The following ADAMTS13 variants were observed in gnomAD, a reference collection of about 807,000 sequenced individuals.
ADAMTS13 encodes the protein ADAM metallopeptidase with thrombospondin type 1 motif 13.
Under a neutral mutation model 155.1 loss-of-function variants are expected in ADAMTS13, and 110 were observed. The observed-to-expected ratio is 0.71, with a 90% CI of 0.61 to 0.83. The LOEUF (loss-of-function observed/expected upper bound fraction) is 0.83, where lower values mean the gene tolerates loss of function less well. Among genes scored for constraint, ADAMTS13 ranks in the 40% least tolerant of loss-of-function variants. The pLI is 0.00. For synonymous variants in ADAMTS13, 758 were observed against 756.4 expected (o/e 1.00, Z -0.03); for missense variants, 1,707 against 1,891.7 (o/e 0.90, Z 1.81).
intron 24 of ADAMTS13, 92 bp from the exon 25 acceptor site, chr9:133,455,193 A>T: frequency 7.2e-7 from 1 of 1,388,978 alleles, no homozygotes; most frequent in Non-Finnish European, 1.0e-6. Context: ...TTGTACAAGG[A>T]TTATATTGGA....
chr9:133,451,886 C>T (rs989403026), intron 23 of ADAMTS13, among the ~76,000 whole-genome samples: 1 of 121,520 alleles, frequency 8.2e-6, no homozygotes, highest in African/African-American at 3.1e-5. Context: ...CAGCATGAGA[C>T]CCTGTCTCAA....
At position 133,436,960 on chromosome 9, in the gene ADAMTS13, G is replaced by A. The variant is rs1396236100; in HGVS notation, c.1435+5G>A. On this transcript the variant is annotated splice_donor_5th_base_variant and intron_variant, in intron 12 of 28. Transcript: ENST00000355699. ...CTGCTGTACCACACAGCCAAGGTGG[G>A]GCCTGCGGAGTGTGGGGTTGGGGGA... The A allele has an allele frequency of 1.3e-6, 2 of 1,596,194 alleles. No homozygotes were observed. The highest frequency in any genetic ancestry group is 8.5e-7 in the Non-Finnish European group (1 of 1,173,088).
intron 6 of ADAMTS13, among the ~76,000 whole-genome samples, chr9:133,427,742 A>T (rs1360410786): frequency 6.6e-5 from 10 of 152,220 alleles, no homozygotes; most frequent in Non-Finnish European, 1.3e-4. Context: ...CCCCTTTTGA[A>T]GCCAGGCTAC....
intron 18 of ADAMTS13, among the ~76,000 whole-genome samples, 184 bp from the exon 19 acceptor site, chr9:133,443,192 G>A (rs1375849885): frequency 6.6e-6 from 1 of 152,212 alleles, no homozygotes; most frequent in East Asian, 1.9e-4. Flanking sequence ...CTGCTCACCA[G>A]CCTGTGATTC....
At chr9:133,442,770 C>A (rs782321193) in intron 18 of ADAMTS13, 27 bp downstream of exon 18, 1 of 1,607,732 alleles carries the variant, frequency 6.2e-7, no homozygotes, top group Non-Finnish European at 8.5e-7. Context: ...CTGCGCAGCT[C>A]CAAGGGGGAG....
intron 2 of ADAMTS13, among the ~76,000 whole-genome samples, chr9:133,423,932 C>T (rs2130775871): frequency 1.3e-5 from 2 of 152,368 alleles, no homozygotes; most frequent in Admixed American, 1.3e-4. Flanking sequence ...TGAGGGCTGG[C>T]CTGGGCCCCT....
At chr9:133,454,367 T>G in intron 23 of ADAMTS13, 48 bp from the exon 24 acceptor site, 1 of 1,604,690 alleles carries the variant, frequency 6.2e-7, no homozygotes, top group Non-Finnish European at 8.5e-7. Context: ...GGGGCAGTAC[T>G]GTCTCTGGGG....
At chr9:133,416,525 C>T (rs1388539785) in intron 1 of ADAMTS13, among the ~76,000 whole-genome samples, 2 of 152,118 alleles carry the variant, frequency 1.3e-5, no homozygotes, top group Non-Finnish European at 2.9e-5. Context: ...GCAGGAGAAT[C>T]ACTGGAGCCC....
intron 21 of ADAMTS13, among the ~76,000 whole-genome samples, chr9:133,447,787 T>C (rs1842168496): frequency 6.6e-6 from 1 of 150,774 alleles, no homozygotes; most frequent in Non-Finnish European, 1.5e-5. Context: ...AGAGAGGGGG[T>C]TTCGCCATGA....
intron 1 of ADAMTS13, among the ~76,000 whole-genome samples, chr9:133,416,490 C>T (rs1270708208): frequency 5.3e-5 from 8 of 152,028 alleles, no homozygotes; most frequent in Admixed American, 3.9e-4. Flanking sequence ...TGGGATTACA[C>T]GTGTGGGCTA....
chr9:133,430,061 G>T lies in ADAMTS13; in HGVS notation c.947G>T (p.Gly316Val). Reference sequence around the variant, plus strand: ...AACGAGCAGTGCCGCGTGGCCTTCGGCCCCAAGGCTGTCGCCTGCACCTTC... The same window carrying T: ...AACGAGCAGTGCCGCGTGGCCTTCGTCCCCAAGGCTGTCGCCTGCACCTTC... ...SANEQCRVAF[G>V]PKAVACTFAR... The change falls in exon 8 of 29, where the codon GGC becomes GTC. Residue 316 changes from glycine to valine, a missense_variant. Around this residue, in one of 3 missense-constraint regions of ADAMTS13, gnomAD observed 733 missense variants for 749.6 expected, o/e 0.98. Transcript: ENST00000355699. The T allele has an allele frequency of 6.3e-7, 1 of 1,595,374 alleles. No individual in the cohort carries two copies.
chr9:133,452,207 G>A (rs587769418), intron 23 of ADAMTS13, among the ~76,000 whole-genome samples: 20 of 151,882 alleles, frequency 1.3e-4, no homozygotes, highest in African/African-American at 4.8e-4. Flanking sequence ...CCGCCTCCTG[G>A]GTTCAAGTGA....
chr9:133,450,367 G>A (rs975262740), intron 23 of ADAMTS13, among the ~76,000 whole-genome samples: 27 of 151,990 alleles, frequency 1.8e-4, no homozygotes, highest in Admixed American at 3.9e-4. Flanking sequence ...TTGGGAGTTC[G>A]AGACCAGCCT....
rs983064233 is a variant in ADAMTS13, at chr9:133,440,167, A to T, written c.1787-177A>T. Among the ~76,000 whole-genome samples the T allele has an allele frequency of 1.3e-5, 2 of 152,072 alleles. No individual in the cohort carries two copies. Among genetic ancestry groups the T allele is most frequent in the African/African-American group, 4.8e-5 (2 of 41,374 alleles). On this transcript the variant is annotated intron_variant, in intron 15 of 28. Transcript: ENST00000355699. This position sits in a 1 kb window ranked among gnomAD's most constrained non-coding sequence, Gnocchi z 4.3. ...GTGCGTGAGTGCACTTGGTCATAGC[A>T]CTCACCAGGTTGTGGAAAGAGGCCT... is the stretch of plus-strand genomic sequence containing the variant.
At position 133,454,619 on chromosome 9, in the gene ADAMTS13, G is replaced by A. The variant is rs889725701; in HGVS notation, c.3249G>A (p.Glu1083=). 1.9e-6 allele frequency: 3 copies of A among 1,597,578 alleles called. No individual in the cohort carries two copies. Among genetic ancestry groups the A allele is most frequent in the Non-Finnish European group, 2.5e-6 (3 of 1,177,762 alleles). Residue 1083 remains glutamate (E), a splice_region_variant and synonymous_variant, in exon 24 of 29, where the codon GAG becomes GAA. Transcript: ENST00000355699. ...TYRWHVGTWM[E]CSVSCGDGIQ... ...GCTGGCATGTTGGCACCTGGATGGA[G>A]GTGAGCACAGCGGGCACTCGGAATC...
At chr9:133,452,669 C>T (rs1588203196) in intron 23 of ADAMTS13, among the ~76,000 whole-genome samples, 1 of 152,168 alleles carries the variant, frequency 6.6e-6, no homozygotes, top group South Asian at 2.1e-4. Flanking sequence ...TCTTGGGCCA[C>T]TGAGCCTCCC....
In ADAMTS13 at chr9:133,456,718, A is replaced by C; in HGVS notation, c.3723A>C (p.Arg1241Ser). The C allele has an allele frequency of 6.4e-7, 1 of 1,558,122 alleles. No individual in the cohort carries two copies. The highest frequency in any genetic ancestry group is 8.7e-7 in the Non-Finnish European group (1 of 1,150,340). The change falls in exon 27 of 29, where the codon AGA becomes AGC. Residue 1241 changes from arginine (R) to serine (S), a missense_variant and splice_region_variant. This residue lies in a region of ADAMTS13 where 961 missense variants were observed against 1,107.9 expected (regional missense o/e 0.87). Transcript: ENST00000355699. The surrounding 1 kb of genome is among the most constrained non-coding windows in gnomAD (Gnocchi z 4.4). ...GSQLAPETFYRECDMQLFGPW... is the reference protein window; with the variant it reads ...GSQLAPETFYSECDMQLFGPW... ...AGCTTGCTCCTGAAACCTTCTACAG[A>C]GGTATGGCCAGGCCTTCTCCACCTC...
upstream of ADAMTS13, chr9:133,422,112 G>T (rs943200541): frequency 6.9e-5 from 25 of 363,944 alleles, no homozygotes; most frequent in East Asian, 1.3e-3. Flanking sequence ...GTGGGTTTCT[G>T]GTCCAGTGTC....
At position 133,426,350 on chromosome 9, in the gene ADAMTS13, G is replaced by A. The variant is rs1840282027; in HGVS notation, c.686+5G>A. 1.3e-6 allele frequency: 2 copies of A among 1,599,914 alleles called. No individual in the cohort carries two copies. Among genetic ancestry groups the A allele is most frequent in the Non-Finnish European group, 1.7e-6 (2 of 1,179,942 alleles). On this transcript the variant is annotated splice_donor_5th_base_variant and intron_variant, in intron 6 of 28. Transcript: ENST00000355699. The stretch of plus-strand genomic sequence containing the variant: ...TGCCCATGAGATTGGGCACAGGTAT[G>A]TAGCCCCACCAGCTGTCCCCAGGAT...
Sources: gnomAD v4.1 joint callset for allele counts (sites outside exome capture counted in the v4.1 genomes callset) on GRCh38, gnomAD v4.1.1 for gene constraint, gnomAD v4.1.1 regional missense constraint, Gnocchi (gnomAD v3.1) non-coding constraint, MANE v1.5 for transcripts, NCBI Gene and HGNC (gene_info 2026-07-23, HGNC 2026-07-21) for gene names.